Variants in RIMS1 observed in about 807,000 individuals in gnomAD.
RIMS1 encodes the protein regulating synaptic membrane exocytosis 1, also known as regulating synaptic membrane exocytosis protein 1.
A neutral mutation model predicts 214.1 loss-of-function variants in RIMS1; 83 were observed. The observed-to-expected ratio is 0.39, with a 90% confidence interval of 0.32 to 0.47. The LOEUF is 0.47. Ranked by LOEUF, RIMS1 falls within the 20% of genes least tolerant of loss-of-function variation. RIMS1 has a pLI of 0.99. For synonymous variants in RIMS1, 793 were observed against 786.8 expected, an observed-to-expected ratio of 1.01 and a Z score of -0.13; for missense variants, 2,050 against 2,161.8, an observed-to-expected ratio of 0.95 and a Z score of 1.03.
chr6:72,319,641 G>A (rs2096034273), intron 28 of RIMS1, among the ~76,000 whole-genome samples: 1 of 151,902 alleles, frequency 6.6e-6, no homozygotes, highest in South Asian at 2.1e-4. Context: ...TTCAACAAGT[G>A]TACAACTTCT....
intron 4 of RIMS1, among the ~76,000 whole-genome samples, chr6:72,144,315 A>T (rs1266560023): frequency 2.0e-5 from 3 of 152,238 alleles, no homozygotes; most frequent in African/African-American, 7.2e-5. Context: ...ATAAATAAGG[A>T]GTAACATCTA....
intron 6 of RIMS1, among the ~76,000 whole-genome samples, chr6:72,196,397 A>G (rs891512168): frequency 5.3e-5 from 8 of 151,402 alleles, no homozygotes; most frequent in Admixed American, 5.3e-4. Flanking sequence ...CTATCTATCT[A>G]TCTATCTATC....
chr6:71,955,701 T>G (rs59558695), intron 1 of RIMS1, among the ~76,000 whole-genome samples: 17,594 of 152,210 alleles, frequency 0.12, 1,255 homozygotes, highest in South Asian at 0.19. Flanking sequence ...ATGCAAATAT[T>G]TCCTCTGAGT....
chr6:72,213,883 T>C (rs956679764), intron 6 of RIMS1, among the ~76,000 whole-genome samples: 1 of 152,190 alleles, frequency 6.6e-6, no homozygotes, highest in Non-Finnish European at 1.5e-5. Context: ...TTGATATAGC[T>C]GTGGAATCAC....
At chr6:72,176,816 G>C (rs1279131584) in intron 4 of RIMS1, among the ~76,000 whole-genome samples, 1 of 152,112 alleles carries the variant, frequency 6.6e-6, no homozygotes, top group Non-Finnish European at 1.5e-5. Context: ...ATGCTGTTTT[G>C]ACATAGTCAC....
chr6:72,254,677 C>A (rs187604291), intron 16 of RIMS1, among the ~76,000 whole-genome samples: 14 of 152,236 alleles, frequency 9.2e-5, no homozygotes, highest in Admixed American at 6.5e-4. Context: ...TAAATAAATG[C>A]TTGCACAAAT....
At chr6:72,258,947 G>A in intron 17 of RIMS1, 39 bp from the exon 18 acceptor site, 1 of 1,602,884 alleles carries the variant, frequency 6.2e-7, no homozygotes, top group East Asian at 2.2e-5. Flanking sequence ...TTGGGAAGAT[G>A]ATACAATTTG....
At chr6:72,022,929 T>C (rs1329439574) in intron 2 of RIMS1, among the ~76,000 whole-genome samples, 1 of 152,164 alleles carries the variant, frequency 6.6e-6, no homozygotes, top group African/African-American at 2.4e-5. Context: ...TGAAAGATGA[T>C]TTTTATAAGT....
intron 6 of RIMS1, among the ~76,000 whole-genome samples, chr6:72,188,517 A>G (rs947381134): frequency 6.6e-6 from 1 of 152,252 alleles, no homozygotes; most frequent in Non-Finnish European, 1.5e-5. Flanking sequence ...ACAAGTGTAT[A>G]CATGCACAAA....
At chr6:71,905,176 C>CT (rs750567804) in intron 1 of RIMS1, among the ~76,000 whole-genome samples, 3,143 of 146,378 alleles carry the variant, frequency 0.021, 36 homozygotes, top group Non-Finnish European at 0.025. Context: ...ACTCTGAGGA[C>CT]TTTTTTTTTT....
intron 1 of RIMS1, among the ~76,000 whole-genome samples, chr6:71,906,092 C>A (rs960140278): frequency 1.3e-5 from 2 of 152,060 alleles, no homozygotes; most frequent in Non-Finnish European, 2.9e-5. Flanking sequence ...TTCAGTCTGG[C>A]CTGAAGTGAC....
chr6:71,910,933 G>A (rs1263041204), intron 1 of RIMS1, among the ~76,000 whole-genome samples: 1 of 152,166 alleles, frequency 6.6e-6, no homozygotes, highest in Non-Finnish European at 1.5e-5. Context: ...CCAATAGGAA[G>A]ATTAGATTGA....
At chr6:72,281,270 T>C (rs1274603452) in intron 23 of RIMS1, among the ~76,000 whole-genome samples, 1 of 152,132 alleles carries the variant, frequency 6.6e-6, no homozygotes. Flanking sequence ...GAAAGAAGAT[T>C]ATATGAGATA....
chr6:71,910,738 T>G (rs1776639877), intron 1 of RIMS1, among the ~76,000 whole-genome samples: 1 of 152,158 alleles, frequency 6.6e-6, no homozygotes, highest in African/African-American at 2.4e-5. Context: ...GGAAGCTGGT[T>G]GGGGTAATTT....
chr6:72,230,422 A>G (rs1467949890), intron 6 of RIMS1, among the ~76,000 whole-genome samples: 1 of 151,704 alleles, frequency 6.6e-6, no homozygotes. Context: ...GGTCAAGTAG[A>G]GCTGTCATGT....
intron 29 of RIMS1, among the ~76,000 whole-genome samples, chr6:72,344,598 G>A (rs1367879866): frequency 2.6e-5 from 4 of 151,664 alleles, no homozygotes; most frequent in Admixed American, 6.6e-5. Context: ...AATATTTCAT[G>A]TTCTTTGTTT....
intron 6 of RIMS1, among the ~76,000 whole-genome samples, chr6:72,205,214 T>C (rs928119859): frequency 6.6e-6 from 1 of 151,910 alleles, no homozygotes; most frequent in Non-Finnish European, 1.5e-5. Context: ...AGAAAAAAAA[T>C]TATGCATGGA....
intron 4 of RIMS1, among the ~76,000 whole-genome samples, chr6:72,136,761 A>G (rs912147700): frequency 2.0e-5 from 3 of 152,130 alleles, no homozygotes; most frequent in African/African-American, 7.2e-5. Flanking sequence ...GTAAAGTATA[A>G]AATTATATGA....
chr6:71,954,871 C>CCACACACA (rs113212281), intron 1 of RIMS1, among the ~76,000 whole-genome samples: 2,694 of 147,380 alleles, frequency 0.018, 83 homozygotes, highest in African/African-American at 0.061. Context: ...CACACACACT[C>CCACACACA]CACACACACA....
Sources: allele counts gnomAD v4.1 joint callset (sites outside exome capture counted in the v4.1 genomes callset), GRCh38; gene constraint gnomAD v4.1.1; transcripts MANE v1.5; gene names NCBI Gene and HGNC (gene_info 2026-07-23, HGNC 2026-07-21).